The following GFM1 variants were observed in gnomAD, a reference collection of about 807,000 sequenced individuals.
The protein encoded by GFM1 is G elongation factor mitochondrial 1, also known as elongation factor G, mitochondrial.
A neutral mutation model predicts 96.2 loss-of-function variants in GFM1; 62 were observed. That is an observed-to-expected ratio of 0.64 (90% CI 0.53 to 0.80). The LOEUF is 0.80. GFM1 is among the 30% of genes least tolerant of loss of function. GFM1 has a pLI of 0.00. For synonymous variants in GFM1, 282 were observed against 312.9 expected (o/e 0.90, Z 1.04); for missense variants, 852 against 916.6 (o/e 0.93, Z 0.91).
intron 5 of GFM1, 33 bp downstream of exon 5, chr3:158,649,190 A>T (rs761008947): frequency 1.3e-5 from 12 of 892,520 alleles, no homozygotes; most frequent in Non-Finnish European, 2.3e-5. Flanking sequence ...TAAAATTTTA[A>T]ATTTTAAAAA....
chr3:158,653,374 A>G lies in GFM1; in HGVS notation c.905A>G (p.Lys302Arg). The change falls in exon 7 of 18, where the codon AAG (lysine) becomes AGG (arginine). Residue 302 changes from lysine (K) to arginine (R), a missense_variant. Coordinates refer to ENST00000486715, the MANE Select transcript of GFM1 (RefSeq NM_024996.7). ...FTPVFLGSAL[K>R]NKGVQPLLDA... ...CCTGTATTTTTGGGAAGCGCCTTGAAGAACAAAGGAGTTCAGCCTCTTTTA... is the reference window on the plus strand; with the variant it reads ...CCTGTATTTTTGGGAAGCGCCTTGAGGAACAAAGGAGTTCAGCCTCTTTTA... 7 of 1,613,466 alleles carry G rather than the reference A, an allele frequency of 4.3e-6. No homozygotes were observed. The highest frequency in any genetic ancestry group is 5.9e-6 in the Non-Finnish European group (7 of 1,179,422).
chr3:158,649,849 GC>G, intron 5 of GFM1: 1 of 621,516 alleles, frequency 1.6e-6, no homozygotes, highest in Non-Finnish European at 2.9e-6. Flanking sequence ...TTGGGGTGGG[GC>G]CCGTAGTTTG....
intron 5 of GFM1, chr3:158,649,384 A>G: frequency 2.5e-6 from 1 of 395,552 alleles, no homozygotes; most frequent in South Asian, 2.5e-5. Flanking sequence ...CCCATATCAC[A>G]TTATGGCATG....
At chr3:158,675,254 C>G (rs1198153153) in intron 13 of GFM1, among the ~76,000 whole-genome samples, 1 of 138,002 alleles carries the variant, frequency 7.2e-6, no homozygotes, top group Non-Finnish European at 1.5e-5. Context: ...CCACTGCACT[C>G]CAGCCTGGGT....
intron 14 of GFM1, 76 bp downstream of exon 14, chr3:158,682,233 T>C: frequency 8.3e-7 from 1 of 1,208,396 alleles, no homozygotes; most frequent in East Asian, 2.5e-5. Flanking sequence ...ATACTTTGTC[T>C]TCCATCATGT....
intron 13 of GFM1, chr3:158,670,924 C>A (rs752923944): frequency 2.0e-5 from 26 of 1,318,468 alleles, no homozygotes; most frequent in Non-Finnish European, 2.6e-5. Flanking sequence ...TAGAGTGAGA[C>A]CCTGTCTCAA....
chr3:158,644,563 G>A lies in GFM1; in HGVS notation c.-72G>A, dbSNP rs1025079892. 5.4e-6 allele frequency: 7 copies of A among 1,286,564 alleles called. No individual in the cohort carries two copies. The African/African-American group carries it at 7.5e-5, about 14-fold the overall frequency. 79.7% of individuals were successfully genotyped at this position (1,286,564 alleles called of 1,614,324 possible). A position where few individuals can be genotyped will look rare whatever the true frequency, so the allele number is the denominator to read the frequency against. ...ATTGGCTGCCGGCGTGACTTTGACCGCTTCCCGGTGCGTTACCGGCAGCTG... is the reference window on the plus strand; with the variant it reads ...ATTGGCTGCCGGCGTGACTTTGACCACTTCCCGGTGCGTTACCGGCAGCTG... On this transcript the variant is annotated 5_prime_UTR_variant, in exon 1 of 18. Coordinates refer to ENST00000486715, the MANE Select transcript of GFM1 (RefSeq NM_024996.7).
At position 158,675,307 on chromosome 3, in the gene GFM1, AAAAC is replaced by A. The variant is rs1724791556; in HGVS notation, c.1602-6685_1602-6682del. On this transcript the variant is annotated intron_variant, in intron 13 of 17. Transcript: ENST00000486715. Reference sequence around the variant, plus strand: ...TCTCAAAAAAAAAAAAAAAAAAAAAAAAACAAGTTTTCAAGATAAAAGAGGAGCT... The same window carrying A: ...TCTCAAAAAAAAAAAAAAAAAAAAAAAAGTTTTCAAGATAAAAGAGGAGCT... Among the ~76,000 whole-genome samples the A allele has an allele frequency of 7.9e-5, 11 of 139,560 alleles. 1 individual carries two copies. Among genetic ancestry groups the A allele is most frequent in the Non-Finnish European group, 1.6e-4 (10 of 63,168 alleles). 91.6% of individuals were successfully genotyped at this position (139,560 alleles called of 152,430 possible). A position where few individuals can be genotyped will look rare whatever the true frequency, so the allele number is the denominator to read the frequency against.
intron 11 of GFM1, among the ~76,000 whole-genome samples, chr3:158,663,078 A>G (rs1369714818): frequency 6.6e-6 from 1 of 152,204 alleles, no homozygotes. Flanking sequence ...CATGGGTTAT[A>G]AAATAGCTCT....
chr3:158,668,425 G>C (rs1224639831), intron 13 of GFM1, among the ~76,000 whole-genome samples: 1 of 152,132 alleles, frequency 6.6e-6, no homozygotes, highest in South Asian at 2.1e-4. Flanking sequence ...TGTATCCATA[G>C]ATGCAGAACC....
chr3:158,671,046 CAAG>C (rs764840090), intron 13 of GFM1: 8 of 1,492,452 alleles, frequency 5.4e-6, no homozygotes, highest in South Asian at 1.4e-5. Context: ...GTAGTGGAGA[CAAG>C]AAAATATTAT....
intron 13 of GFM1, among the ~76,000 whole-genome samples, chr3:158,678,703 A>G (rs1560142264): frequency 6.6e-6 from 1 of 152,258 alleles, no homozygotes; most frequent in Non-Finnish European, 1.5e-5. Flanking sequence ...TGTTATTACA[A>G]CAAAGGGTAA....
rs550575678 is a variant in GFM1 at position 158,656,033 on chromosome 3, T to C, written c.1083+1402T>C. 31 of 417,840 alleles carry C rather than the reference T, an allele frequency of 7.4e-5. No homozygotes were observed. In the Middle Eastern group the frequency reaches 1.1e-3, roughly 14 times the overall value. The allele number at this position is 417,840 out of a possible 1,614,324, so 25.9% of individuals were successfully genotyped here. A position where few individuals can be genotyped will look rare whatever the true frequency, so the allele number is the denominator to read the frequency against. On this transcript the variant is annotated intron_variant, in intron 8 of 17. Transcript: ENST00000486715. Reference sequence around the variant, plus strand: ...TTATTATTTGATGCTTTTCACATGATTAGATTGGAGTCATGTGTTTTTAGG... The same window carrying C: ...TTATTATTTGATGCTTTTCACATGACTAGATTGGAGTCATGTGTTTTTAGG...
intron 11 of GFM1, among the ~76,000 whole-genome samples, chr3:158,663,608 C>T (rs919456456): frequency 6.6e-6 from 1 of 152,192 alleles, no homozygotes; most frequent in East Asian, 1.9e-4. Context: ...GTGAACCTTA[C>T]ATCTTAACCT....
chr3:158,667,081 CA>C, intron 13 of GFM1: 1 of 1,571,952 alleles, frequency 6.4e-7, no homozygotes, highest in Non-Finnish European at 8.6e-7. Flanking sequence ...TTTGCTATGA[CA>C]AAAAATAAAA....
chr3:158,673,024 T>A (rs1576770489), intron 13 of GFM1, among the ~76,000 whole-genome samples: 1 of 152,152 alleles, frequency 6.6e-6, no homozygotes. Flanking sequence ...GTACTCCAGG[T>A]AGTGATTCGA....
rs1722593851 is a variant in GFM1, at chr3:158,654,622, T to C, written c.1074T>C (p.Phe358=). The change falls in exon 8 of 18, where the codon TTT becomes TTC. Residue 358 remains phenylalanine, a synonymous_variant. Coordinates refer to ENST00000486715, the MANE Select transcript of GFM1 (RefSeq NM_024996.7). ...CCCACCCATTTGTAGGCCTGGCTTT[T>C]AAACTGGAGGTAAGTTGCTTTCTAA... is the stretch of plus-strand genomic sequence containing the variant. ...DNSHPFVGLA[F]KLEVGRFGQL... is the part of the protein sequence containing the mutation. 19 of 1,608,160 alleles carry C rather than the reference T, an allele frequency of 1.2e-5. 1 individual carries two copies. The highest frequency in any genetic ancestry group is 1.6e-5 in the Non-Finnish European group (19 of 1,174,772).
At chr3:158,645,858 A>G in intron 2 of GFM1, 77 bp downstream of exon 2, 1 of 1,301,598 alleles carries the variant, frequency 7.7e-7, no homozygotes, top group Non-Finnish European at 1.1e-6. Context: ...AATAAAGCTT[A>G]TAAACCTGAA....
Position 158,665,415 on chromosome 3 carries a change from G to A in GFM1, c.1459G>A (p.Glu487Lys). Reference protein sequence around the residue: ...DPTFKVYFDTENKETVISGMG... With the variant: ...DPTFKVYFDTKNKETVISGMG... ...CACATTTAAAGTATACTTTGACACT[G>A]AGAACAAAGAGACAGTTATATCTGG... Residue 487 changes from glutamate (E) to lysine (K), a missense_variant, in exon 12 of 18, where the codon GAG (glutamate) becomes AAG (lysine). Coordinates refer to ENST00000486715, the MANE Select transcript of GFM1 (RefSeq NM_024996.7). The A allele has an allele frequency of 6.2e-7, 1 of 1,609,520 alleles. No individual in the cohort carries two copies. Among genetic ancestry groups the A allele is most frequent in the Non-Finnish European group, 8.5e-7 (1 of 1,176,342 alleles).
Sources: gnomAD v4.1 joint callset for allele counts (sites outside exome capture counted in the v4.1 genomes callset) on GRCh38, gnomAD v4.1.1 for gene constraint, MANE v1.5 for transcripts, NCBI Gene and HGNC (gene_info 2026-07-23, HGNC 2026-07-21) for gene names.